RHPN2: variants seen among roughly 807,000 people sequenced by gnomAD.
RHPN2 encodes the protein rhophilin Rho GTPase binding protein 2.
Under a neutral mutation model 79.0 loss-of-function variants are expected in RHPN2, and 40 were observed. The observed-to-expected ratio is 0.51, with a 90% CI of 0.39 to 0.66. The LOEUF (loss-of-function observed/expected upper bound fraction) is 0.66, where lower values mean the gene tolerates loss of function less well. RHPN2 is among the 30% of genes least tolerant of loss of function. The pLI is 0.00. For synonymous variants in RHPN2, 285 were observed against 363.5 expected (o/e 0.78, Z 2.46); for missense variants, 686 against 883.5 (o/e 0.78, Z 2.83).
At chr19:33,014,736 A>AT (rs1266041077) in intron 4 of RHPN2, among the ~76,000 whole-genome samples, 14 of 151,874 alleles carry the variant, frequency 9.2e-5, no homozygotes, top group Admixed American at 2.6e-4. Context: ...CCTGGCCAAC[A>AT]TGGTGAAACC....
intron 9 of RHPN2, 39 bp downstream of exon 9, chr19:33,002,208 C>T (rs377125750): frequency 6.2e-7 from 1 of 1,605,346 alleles, no homozygotes; most frequent in Admixed American, 1.7e-5. Context: ...GCAGCTGGAC[C>T]ACAGCCCTCG....
intron 1 of RHPN2, among the ~76,000 whole-genome samples, chr19:33,060,229 C>G (rs1972268484): frequency 6.6e-6 from 1 of 152,158 alleles, no homozygotes; most frequent in Non-Finnish European, 1.5e-5. Context: ...TCACTGCAGC[C>G]TCCATCTCCC....
chr19:32,982,482 G>T (rs1971582479), intron 14 of RHPN2, among the ~76,000 whole-genome samples: 1 of 151,966 alleles, frequency 6.6e-6, no homozygotes, highest in Non-Finnish European at 1.5e-5. Context: ...AATAAAGTAG[G>T]GGGTACTTCG....
At chr19:33,036,858 C>T (rs1334599959) in intron 2 of RHPN2, among the ~76,000 whole-genome samples, 3 of 149,890 alleles carry the variant, frequency 2.0e-5, no homozygotes, top group South Asian at 2.1e-4. Flanking sequence ...ACCTGTAGCC[C>T]GCCATGCCTG....
At chr19:33,012,289 G>A (rs10401187) in intron 5 of RHPN2, among the ~76,000 whole-genome samples, 45,222 of 151,584 alleles carry the variant, frequency 0.3, 7,357 homozygotes, top group African/African-American at 0.44. Flanking sequence ...TGTTCCACCC[G>A]CTTCAGCCTC....
At chr19:33,010,269 G>C (rs1047452424) in intron 6 of RHPN2, among the ~76,000 whole-genome samples, 1 of 152,054 alleles carries the variant, frequency 6.6e-6, no homozygotes, top group Admixed American at 6.6e-5. Context: ...ATCAGCTGTA[G>C]AAACATTGAA....
At chr19:33,050,612 C>A (rs536270816) in intron 1 of RHPN2, among the ~76,000 whole-genome samples, 2 of 152,254 alleles carry the variant, frequency 1.3e-5, no homozygotes, top group South Asian at 2.1e-4. Flanking sequence ...ACTTTTATGT[C>A]TGGTTTATTT....
At chr19:33,055,231 AC>A (rs1347988123) in intron 1 of RHPN2, among the ~76,000 whole-genome samples, 1 of 152,066 alleles carries the variant, frequency 6.6e-6, no homozygotes, top group African/African-American at 2.4e-5. Context: ...ATTTTTAATC[AC>A]ATCTCTAGTC....
chr19:33,007,949 G>T, intron 7 of RHPN2, 65 bp downstream of exon 7: 1 of 1,569,408 alleles, frequency 6.4e-7, no homozygotes, highest in South Asian at 1.1e-5. Flanking sequence ...CTCTTCAGTG[G>T]GGGGTCCCCT....
At chr19:33,010,073 C>G (rs1971823969) in intron 6 of RHPN2, among the ~76,000 whole-genome samples, 2 of 152,180 alleles carry the variant, frequency 1.3e-5, no homozygotes, top group Non-Finnish European at 2.9e-5. Flanking sequence ...GCCACCGCAC[C>G]TGGCCCTAGG....
chr19:33,008,737 T>C (rs536765503), intron 6 of RHPN2, among the ~76,000 whole-genome samples: 2 of 152,182 alleles, frequency 1.3e-5, no homozygotes, highest in African/African-American at 4.8e-5. Context: ...ACCACTGTGC[T>C]CCAGCCTGGG....
At chr19:33,007,618 C>T (rs71351707) in intron 7 of RHPN2, among the ~76,000 whole-genome samples, 1 of 152,096 alleles carries the variant, frequency 6.6e-6, no homozygotes, top group East Asian at 1.9e-4. Context: ...TTATTCTGCT[C>T]TTCATGACAG....
intron 2 of RHPN2, among the ~76,000 whole-genome samples, chr19:33,035,008 C>A (rs1972045538): frequency 6.6e-6 from 1 of 151,958 alleles, no homozygotes; most frequent in Non-Finnish European, 1.5e-5. Flanking sequence ...TGCTCTGTCA[C>A]CCACGCTGGA....
intron 1 of RHPN2, among the ~76,000 whole-genome samples, chr19:33,057,567 C>T (rs1972244037): frequency 6.6e-6 from 1 of 151,510 alleles, no homozygotes; most frequent in South Asian, 2.1e-4. Context: ...GTAATCCCAG[C>T]TACTCAGGAG....
chr19:32,987,573 C>T (rs1296838753), intron 14 of RHPN2, among the ~76,000 whole-genome samples: 1 of 152,234 alleles, frequency 6.6e-6, no homozygotes, highest in East Asian at 1.9e-4. Flanking sequence ...AAGCTCCTTT[C>T]CTCCGACATC....
chr19:33,006,391 C>T lies in RHPN2; in HGVS notation c.760+1623G>A, dbSNP rs146320662. On this transcript the variant is annotated intron_variant, in intron 7 of 14. Transcript: ENST00000254260. ...TTTAAATATTTTGTAGAGATGGGGTCCTCCTGTGTGGCCCAGGCTGGTAGG... is the reference window on the plus strand; with the variant it reads ...TTTAAATATTTTGTAGAGATGGGGTTCTCCTGTGTGGCCCAGGCTGGTAGG... Among the ~76,000 whole-genome samples, 1,119 of 152,160 alleles carry T rather than the reference C, an allele frequency of 7.4e-3. 6 individuals are homozygous for T. Among genetic ancestry groups the T allele is most frequent in the Middle Eastern group, 0.048 (14 of 294 alleles).
At chr19:33,029,221 A>T (rs1971990639) in intron 2 of RHPN2, among the ~76,000 whole-genome samples, 1 of 152,048 alleles carries the variant, frequency 6.6e-6, no homozygotes, top group South Asian at 2.1e-4. Context: ...ATAGGCAATG[A>T]ATCAGAATAA....
intron 1 of RHPN2, among the ~76,000 whole-genome samples, chr19:33,057,366 G>C (rs181918706): frequency 6.6e-6 from 1 of 151,630 alleles, no homozygotes; most frequent in African/African-American, 2.4e-5. Flanking sequence ...GACAAGAAAA[G>C]AAAAGAAAAA....
At chr19:33,031,355 G>A (rs1972010317) in intron 2 of RHPN2, among the ~76,000 whole-genome samples, 1 of 151,706 alleles carries the variant, frequency 6.6e-6, no homozygotes, top group East Asian at 1.9e-4. Context: ...GCCCTCCAGG[G>A]CTCAAATGAT....
Sources: gnomAD v4.1 joint callset for allele counts (sites outside exome capture counted in the v4.1 genomes callset) on GRCh38, gnomAD v4.1.1 for gene constraint, MANE v1.5 for transcripts, NCBI Gene and HGNC (gene_info 2026-07-23, HGNC 2026-07-21) for gene names.